Variants in APOBEC3F observed in about 807,000 individuals in gnomAD.
The protein encoded by APOBEC3F is DNA dC->dU-editing enzyme APOBEC-3F.
In APOBEC3F, 34 loss-of-function variants were observed where a neutral mutation model predicts 45.8. That is an observed-to-expected ratio of 0.74 (90% CI 0.57 to 0.99). The LOEUF (loss-of-function observed/expected upper bound fraction) is 0.99. APOBEC3F is among the 50% of genes least tolerant of loss of function. The pLI, the probability that APOBEC3F is intolerant of heterozygous loss-of-function variation, is 0.00. For missense variants in APOBEC3F, 459 were observed against 474.1 expected (o/e 0.97, Z 0.30); for synonymous variants, 192 against 174.4 (o/e 1.10, Z -0.80).
chr22:39,041,563 G>C lies in APOBEC3F; in HGVS notation c.17+586G>C, dbSNP rs374840792. ...AGCATTCACTGTTTATAAATGACACGAGTAACATGGAATATAGTGGCCGGG... is the reference window on the plus strand; with the variant it reads ...AGCATTCACTGTTTATAAATGACACCAGTAACATGGAATATAGTGGCCGGG... On this transcript the variant is annotated intron_variant, in intron 1 of 6. Transcript: ENST00000308521. 1.8e-4 allele frequency among the ~76,000 whole-genome samples: 28 copies of C among 152,116 alleles called. No individual in the cohort carries two copies. In the East Asian group the frequency reaches 1.9e-3, roughly 10 times the overall value.
chr22:39,042,818 G>C, intron 1 of APOBEC3F, 119 bp from the exon 2 acceptor site: 4 of 1,458,766 alleles, frequency 2.7e-6, no homozygotes, highest in Non-Finnish European at 3.7e-6. Flanking sequence ...AAATTCTCAG[G>C]GCTGTGGAGG....
intron 4 of APOBEC3F, among the ~76,000 whole-genome samples, chr22:39,048,133 C>T (rs1278410737): frequency 6.6e-6 from 1 of 152,186 alleles, no homozygotes; most frequent in East Asian, 1.9e-4. Flanking sequence ...AGGAGAAATG[C>T]TCTTATTTTA....
chr22:39,044,253 TGAATGGATGCCTGGGA>T lies in APOBEC3F; in HGVS notation c.172-676_172-661del, dbSNP rs776596762. On this transcript the variant is annotated intron_variant, in intron 2 of 6. Coordinates refer to ENST00000308521, the MANE Select transcript of APOBEC3F (RefSeq NM_145298.6). ...CACAGCAGGGGCTGAGGATGCCTGG[TGAATGGATGCCTGGGA>T]GAATGGATGCCAGAATTCACGCATG... The T allele has an allele frequency of 1.3e-4, 206 of 1,580,598 alleles. 1 individual carries two copies. Among genetic ancestry groups the T allele is most frequent in the South Asian group, 1.2e-3 (107 of 86,432 alleles).
rs987460403 is a variant in APOBEC3F, at chr22:39,042,850, T to C, written c.18-87T>C. On this transcript the variant is annotated intron_variant, in intron 1 of 6. Transcript: ENST00000308521. The stretch of plus-strand genomic sequence containing the variant: ...GAGGGGTTGGGGAGGCCCAGAGCCA[T>C]GCAGGGGGCTGTGTTTAGTGGACAT... 34 of 1,565,696 alleles carry C rather than the reference T, an allele frequency of 2.2e-5. 1 individual carries two copies. In the South Asian group the frequency reaches 3.5e-4, roughly 16 times the overall value.
In APOBEC3F at chr22:39,051,128, T is replaced by C. The variant is rs531665340; in HGVS notation, c.724-946T>C. On this transcript the variant is annotated intron_variant, in intron 5 of 6. Transcript: ENST00000308521. Reference sequence around the variant, plus strand: ...GGTGTGCCCCTGTAGTCCCAGCTACTTGGGTGGCTTAGGCAGGAAAATCGC... The same window carrying C: ...GGTGTGCCCCTGTAGTCCCAGCTACCTGGGTGGCTTAGGCAGGAAAATCGC... Among the ~76,000 whole-genome samples, 20 of 151,970 alleles carry C rather than the reference T, an allele frequency of 1.3e-4. No homozygotes were observed. In the South Asian group the frequency reaches 4.2e-3, roughly 32 times the overall value.
chr22:39,045,216 T>C lies in APOBEC3F; in HGVS notation c.447T>C (p.Asp149=), dbSNP rs142681728. The C allele has an allele frequency of 2.7e-4, 430 of 1,613,852 alleles. 1 individual carries two copies. In the African/African-American group the frequency reaches 5.3e-3, roughly 20 times the overall value. ...GGGCCCGCGTGAAGATTATGGACGA[T>C]GAAGGTGAGAGGTGGAGGGGTCAGG... ...QAGARVKIMD[D]EEFAYCWENF... The change falls in exon 3 of 7, where the codon GAT becomes GAC. Residue 149 remains aspartate, a synonymous_variant. Coordinates refer to ENST00000308521, the MANE Select transcript of APOBEC3F (RefSeq NM_145298.6).
chr22:39,042,892 C>T (rs369284352), intron 1 of APOBEC3F, 45 bp from the exon 2 acceptor site: 8 of 1,609,920 alleles, frequency 5.0e-6, no homozygotes, highest in Admixed American at 3.3e-5. Context: ...TGAGGGCTCC[C>T]GGGAGCGCTC....
At chr22:39,043,280 T>C (rs1033477236) in intron 2 of APOBEC3F, among the ~76,000 whole-genome samples, 190 bp downstream of exon 2, 4 of 150,684 alleles carry the variant, frequency 2.7e-5, no homozygotes, top group Non-Finnish European at 4.4e-5. Flanking sequence ...GGGTTTGCCT[T>C]TGCACAAAAG....
In APOBEC3F at chr22:39,045,080, C is replaced by T. The variant is rs1927137110; in HGVS notation, c.311C>T (p.Ala104Val). 6.2e-7 allele frequency: 1 copy of T among 1,613,774 alleles called. No individual in the cohort carries two copies. Among genetic ancestry groups the T allele is most frequent in the South Asian group, 1.1e-5 (1 of 91,056 alleles). Reference sequence around the variant, plus strand: ...TGCCCGGACTGTGTGGCGAAGCTGGCCGAATTCCTGGCTGAGCACCCCAAT... The same window carrying T: ...TGCCCGGACTGTGTGGCGAAGCTGGTCGAATTCCTGGCTGAGCACCCCAAT... ...TPCPDCVAKLAEFLAEHPNVT... is the reference protein window; with the variant it reads ...TPCPDCVAKLVEFLAEHPNVT... The change falls in exon 3 of 7, where the codon GCC becomes GTC. Residue 104 changes from alanine to valine, a missense_variant. Coordinates refer to ENST00000308521, the MANE Select transcript of APOBEC3F (RefSeq NM_145298.6).
At position 39,040,884 on chromosome 22, in the gene APOBEC3F, G is replaced by A. The variant is rs1216187563; in HGVS notation, c.-77G>A. ...AGGTCACTTTAGGGAGGGCTGTCCT[G>A]AAACCTGGAGCCTGGAGCAGAAAGT... On this transcript the variant is annotated 5_prime_UTR_variant, in exon 1 of 7. Coordinates refer to ENST00000308521, the MANE Select transcript of APOBEC3F (RefSeq NM_145298.6). 35 of 1,551,758 alleles carry A rather than the reference G, an allele frequency of 2.3e-5. No homozygotes were observed. The East Asian group carries it at 3.4e-4, about 15-fold the overall frequency.
chr22:39,050,659 A>G (rs529931892), intron 5 of APOBEC3F, among the ~76,000 whole-genome samples: 19 of 152,040 alleles, frequency 1.2e-4, no homozygotes, highest in South Asian at 4.2e-4. Context: ...AAGTTTGTCT[A>G]TTCTCACAAT....
intron 4 of APOBEC3F, 148 bp from the exon 5 acceptor site, chr22:39,049,277 C>T (rs1927366968): frequency 2.0e-6 from 2 of 999,846 alleles, no homozygotes; most frequent in South Asian, 1.7e-5. Flanking sequence ...CCCCTGCCAG[C>T]ATCCCCTCCT....
Position 39,047,959 on chromosome 22 carries a change from G to A in APOBEC3F, c.567-1466G>A, listed in dbSNP as rs569908008. On this transcript the variant is annotated intron_variant, in intron 4 of 6. Coordinates refer to ENST00000308521, the MANE Select transcript of APOBEC3F (RefSeq NM_145298.6). ...GTCTTAGGAGAGGATGTGGGGGAGGGAATGGTCTCTGTACCAGAAAATAAG... is the reference window on the plus strand; with the variant it reads ...GTCTTAGGAGAGGATGTGGGGGAGGAAATGGTCTCTGTACCAGAAAATAAG... Among the ~76,000 whole-genome samples the A allele has an allele frequency of 6.6e-5, 10 of 152,260 alleles. No individual in the cohort carries two copies. In the South Asian group the frequency reaches 1.7e-3, roughly 25 times the overall value.
rs969992448 is a variant in APOBEC3F, at chr22:39,054,699, C to T, written c.*2004C>T. ...AACACCACCCGGACTGCGTGTATGT[C>T]CCAAATTACAATTCTTTCTTTGCAA... On this transcript the variant is annotated 3_prime_UTR_variant, in exon 7 of 7. Coordinates refer to ENST00000308521, the MANE Select transcript of APOBEC3F (RefSeq NM_145298.6). 1.3e-5 allele frequency among the ~76,000 whole-genome samples: 2 copies of T among 152,238 alleles called. No individual in the cohort carries two copies. Among genetic ancestry groups the T allele is most frequent in the Admixed American group, 6.5e-5 (1 of 15,292 alleles).
At chr22:39,051,110 C>T (rs955567132) in intron 5 of APOBEC3F, among the ~76,000 whole-genome samples, 1 of 151,458 alleles carries the variant, frequency 6.6e-6, no homozygotes, top group South Asian at 2.1e-4. Context: ...GGGGGTGTGC[C>T]CCTGTAGTCC....
Position 39,052,304 on chromosome 22 carries a change from C to T in APOBEC3F, c.954C>T (p.Leu318=). ...GGGATACAGATTACCAGGAGGGGCT[C>T]CGCAGCCTGAGTCAGGAAGGGGCCT... The part of the protein sequence containing the change: ...YFWDTDYQEG[L]RSLSQEGASV... Residue 318 remains leucine (L), a synonymous_variant, in exon 6 of 7, where the codon CTC becomes CTT. Transcript: ENST00000308521. 1 of 1,614,188 alleles carries T rather than the reference C, an allele frequency of 6.2e-7. No homozygotes were observed. The highest frequency in any genetic ancestry group is 8.5e-7 in the Non-Finnish European group (1 of 1,180,046).
intron 2 of APOBEC3F, among the ~76,000 whole-genome samples, chr22:39,043,467 ATTT>A (rs542976503): frequency 7.2e-6 from 1 of 139,012 alleles, no homozygotes; most frequent in Non-Finnish European, 1.5e-5. Flanking sequence ...CGCCCAGCTA[ATTT>A]TTTTTTTTTT....
At chr22:39,047,689 A>T (rs35268988) in intron 4 of APOBEC3F, among the ~76,000 whole-genome samples, 4 of 149,574 alleles carry the variant, frequency 2.7e-5, no homozygotes, top group African/African-American at 7.4e-5. Flanking sequence ...TCGCCCCTTT[A>T]CAGCTTCTGA....
chr22:39,043,988 G>T, intron 2 of APOBEC3F: 1 of 1,433,538 alleles, frequency 7.0e-7, no homozygotes, highest in Non-Finnish European at 9.2e-7. Flanking sequence ...TTGCATCATT[G>T]CACTCCAGCC....
Sources: allele counts gnomAD v4.1 joint callset (sites outside exome capture counted in the v4.1 genomes callset), GRCh38; gene constraint gnomAD v4.1.1; transcripts MANE v1.5; gene names NCBI Gene and HGNC (gene_info 2026-07-23, HGNC 2026-07-21).